Variants in RYK observed in about 807,000 individuals in gnomAD.
RYK encodes the protein inactive tyrosine-protein kinase RYK.
In RYK, 21 loss-of-function variants were observed where a neutral mutation model predicts 70.2. That is an observed-to-expected ratio of 0.30 (90% CI 0.21 to 0.43). RYK has a LOEUF of 0.43. Ranked by LOEUF, RYK falls within the 20% of genes least tolerant of loss-of-function variation. The pLI is 1.00. For synonymous variants in RYK, 267 were observed against 278.0 expected, an observed-to-expected ratio of 0.96 and a Z score of 0.39; for missense variants, 604 against 753.3, an observed-to-expected ratio of 0.80 and a Z score of 2.32.
At chr3:134,237,714 A>T (rs1212865259) in intron 1 of RYK, among the ~76,000 whole-genome samples, 1 of 152,212 alleles carries the variant, frequency 6.6e-6, no homozygotes, top group Non-Finnish European at 1.5e-5. Context: ...AAAACAAAAA[A>T]GTTAAACCAG....
chr3:134,229,453 GAC>G (rs1212933038), intron 1 of RYK, among the ~76,000 whole-genome samples: 7 of 148,970 alleles, frequency 4.7e-5, no homozygotes, highest in Non-Finnish European at 8.9e-5. Context: ...CTGGACAGGT[GAC>G]ACAGAACATA....
intron 2 of RYK, among the ~76,000 whole-genome samples, chr3:134,212,964 T>C (rs2014446123): frequency 2.0e-5 from 3 of 151,790 alleles, no homozygotes; most frequent in Admixed American, 6.6e-5. Context: ...AAGGCTGTGT[T>C]TGATAAGTGC....
chr3:134,219,839 G>C (rs1342152980), intron 2 of RYK, among the ~76,000 whole-genome samples: 2 of 152,146 alleles, frequency 1.3e-5, no homozygotes, highest in African/African-American at 4.8e-5. Flanking sequence ...CCACACCACA[G>C]GCTGAAATAC....
chr3:134,234,411 G>C (rs529350128), intron 1 of RYK, among the ~76,000 whole-genome samples: 8 of 152,148 alleles, frequency 5.3e-5, no homozygotes, highest in Admixed American at 5.2e-4. Flanking sequence ...ATTTGGCAAA[G>C]TACTATAAAC....
intron 2 of RYK, among the ~76,000 whole-genome samples, chr3:134,214,668 A>C (rs2014498582): frequency 6.6e-6 from 1 of 152,208 alleles, no homozygotes; most frequent in South Asian, 2.1e-4. Context: ...AATGACCTCC[A>C]GTCTCAGGGG....
intron 3 of RYK, among the ~76,000 whole-genome samples, chr3:134,210,349 T>C (rs577042272): frequency 1.2e-4 from 18 of 152,356 alleles, no homozygotes; most frequent in African/African-American, 4.3e-4. Flanking sequence ...CAGAAATTGA[T>C]TTTAATCCAT....
At chr3:134,228,307 T>C (rs1560025082) in intron 1 of RYK, among the ~76,000 whole-genome samples, 1 of 151,796 alleles carries the variant, frequency 6.6e-6, no homozygotes, top group East Asian at 1.9e-4. Context: ...GAAAAAAAAA[T>C]AACTACCATA....
At chr3:134,168,195 T>C (rs1037289191) in intron 13 of RYK, among the ~76,000 whole-genome samples, 29 of 152,198 alleles carry the variant, frequency 1.9e-4, no homozygotes, top group Non-Finnish European at 1.5e-5. Flanking sequence ...AGTTCAACCA[T>C]TGTTGAAGAC....
At chr3:134,228,488 A>G (rs2014969228) in intron 1 of RYK, among the ~76,000 whole-genome samples, 1 of 152,248 alleles carries the variant, frequency 6.6e-6, no homozygotes, top group Non-Finnish European at 1.5e-5. Flanking sequence ...TGGTAAATGT[A>G]CACAATGTAG....
intron 1 of RYK, among the ~76,000 whole-genome samples, chr3:134,247,245 G>T (rs2015489522): frequency 6.6e-6 from 1 of 152,164 alleles, no homozygotes; most frequent in Non-Finnish European, 1.5e-5. Context: ...AAAGAGCTCA[G>T]TTATGATACT....
At chr3:134,208,767 G>C (rs1181690665) in intron 4 of RYK, among the ~76,000 whole-genome samples, 2 of 152,196 alleles carry the variant, frequency 1.3e-5, no homozygotes, top group East Asian at 3.8e-4. Context: ...ATCTTGACAA[G>C]CTAGATTCTC....
intron 13 of RYK, among the ~76,000 whole-genome samples, chr3:134,168,482 G>A (rs951868394): frequency 1.3e-5 from 2 of 152,230 alleles, no homozygotes; most frequent in East Asian, 3.9e-4. Context: ...GGACATGGAC[G>A]AAACTAGAAA....
chr3:134,230,871 C>T (rs973950355), intron 1 of RYK, among the ~76,000 whole-genome samples: 1 of 152,110 alleles, frequency 6.6e-6, no homozygotes, highest in African/African-American at 2.4e-5. Flanking sequence ...AATTAACACT[C>T]AATGGTTTTT....
At chr3:134,233,031 G>A (rs1210217571) in intron 1 of RYK, among the ~76,000 whole-genome samples, 2 of 152,214 alleles carry the variant, frequency 1.3e-5, no homozygotes, top group African/African-American at 4.8e-5. Context: ...ACAGCAAGCT[G>A]CACTTACTCT....
intron 10 of RYK, chr3:134,180,190 T>C (rs910552311): frequency 6.6e-6 from 1 of 152,148 alleles, no homozygotes; most frequent in African/African-American, 2.4e-5. Context: ...CCATCAGGCA[T>C]CTTTGGGCCA....
At chr3:134,190,049 G>A (rs1370846386) in intron 8 of RYK, among the ~76,000 whole-genome samples, 1 of 152,186 alleles carries the variant, frequency 6.6e-6, no homozygotes, top group Admixed American at 6.5e-5. Context: ...TCCACTCTAT[G>A]AGGTGGAGTT....
In RYK at chr3:134,159,277, C is replaced by T; in HGVS notation, c.1672G>A (p.Gly558Ser). ...PFEMAAYLKDGYRIAQPINCP... is the reference protein window; with the variant it reads ...PFEMAAYLKDSYRIAQPINCP... ...TTGATTGGCTGGGCTATTCGGTAAC[C>T]ATCTTTCAGGTATGCGGCCATCTCG... The change falls in exon 14 of 15, where the codon GGT (glycine) becomes AGT (serine). Residue 558 changes from glycine to serine, a missense_variant. Coordinates refer to ENST00000623711, the MANE Select transcript of RYK (RefSeq NM_002958.4). 6.2e-7 allele frequency: 1 copy of T among 1,613,854 alleles called. No individual in the cohort carries two copies. Among genetic ancestry groups the T allele is most frequent in the South Asian group, 1.1e-5 (1 of 91,058 alleles).
At chr3:134,222,332 A>T in intron 2 of RYK, 86 bp downstream of exon 2, 1 of 1,412,376 alleles carries the variant, frequency 7.1e-7, no homozygotes, top group Non-Finnish European at 1.0e-6. Context: ...CCTTCAGTAC[A>T]GACAGCAGCC....
chr3:134,168,530 C>T (rs1455692544), intron 13 of RYK, among the ~76,000 whole-genome samples: 1 of 148,658 alleles, frequency 6.7e-6, no homozygotes, highest in Non-Finnish European at 1.5e-5. Context: ...GACAAAAAAC[C>T]AAACACCGCA....
Sources: gnomAD v4.1 joint callset for allele counts (sites outside exome capture counted in the v4.1 genomes callset) on GRCh38, gnomAD v4.1.1 for gene constraint, MANE v1.5 for transcripts, NCBI Gene and HGNC (gene_info 2026-07-23, HGNC 2026-07-21) for gene names.